Variants in PLGRKT observed in about 807,000 individuals in gnomAD.
The protein encoded by PLGRKT is plasminogen receptor (KT).
A neutral mutation model predicts 18.5 loss-of-function variants in PLGRKT; 22 were observed. That is an observed-to-expected ratio of 1.19 (90% CI 0.85 to 1.70). The LOEUF (loss-of-function observed/expected upper bound fraction) is 1.70, where lower values mean the gene tolerates loss of function less well. Ranked by LOEUF, PLGRKT falls within the 40% of genes most tolerant of loss-of-function variation. PLGRKT has a pLI of 0.00. For missense variants in PLGRKT, 235 were observed against 174.4 expected, an observed-to-expected ratio of 1.35 and a Z score of -1.96; for synonymous variants, 72 against 52.8, an observed-to-expected ratio of 1.36 and a Z score of -1.58.
At chr9:5,399,380 T>A (rs1421763001) in intron 3 of PLGRKT, among the ~76,000 whole-genome samples, 1 of 151,926 alleles carries the variant, frequency 6.6e-6, no homozygotes, top group Admixed American at 6.6e-5. Context: ...CATTATTATT[T>A]CACCTTATAT....
chr9:5,402,112 C>T (rs567990519), intron 3 of PLGRKT, among the ~76,000 whole-genome samples: 1 of 152,034 alleles, frequency 6.6e-6, no homozygotes, highest in East Asian at 1.9e-4. Context: ...TTTAAATGTA[C>T]ATTTTTAGTG....
At chr9:5,382,612 CA>C (rs1340379175) in intron 3 of PLGRKT, among the ~76,000 whole-genome samples, 1 of 152,170 alleles carries the variant, frequency 6.6e-6, no homozygotes, top group Admixed American at 6.5e-5. Flanking sequence ...GAGGAATTTG[CA>C]AGCCATGCTA....
chr9:5,429,374 T>C (rs909651025), intron 3 of PLGRKT, among the ~76,000 whole-genome samples: 2 of 152,210 alleles, frequency 1.3e-5, no homozygotes, highest in Non-Finnish European at 2.9e-5. Context: ...ACATCCTGTA[T>C]TAGTTTGCTG....
chr9:5,395,888 G>GTT lies in PLGRKT; in HGVS notation c.82-34002_82-34001dup, dbSNP rs201547310. 1.3e-3 allele frequency among the ~76,000 whole-genome samples: 170 copies of GTT among 129,764 alleles called. 5 individuals carry two copies. The highest frequency in any genetic ancestry group is 2.0e-3 in the Admixed American group (25 of 12,518). The allele number at this position is 129,764 out of a possible 152,430, so 85.1% of individuals were successfully genotyped here. On this transcript the variant is annotated intron_variant, in intron 3 of 5. Coordinates refer to ENST00000223864, the MANE Select transcript of PLGRKT (RefSeq NM_018465.4). ...TTAGGGTTCATCCTCTAACCTAACAGTTTTTTTTTTTTTTTTTTTTCCTGA... is the reference window on the plus strand; with the variant it reads ...TTAGGGTTCATCCTCTAACCTAACAGTTTTTTTTTTTTTTTTTTTTTTCCTGA...
chr9:5,431,904 C>T lies in PLGRKT; in HGVS notation c.74G>A (p.Arg25Gln), dbSNP rs763236930. The change falls in exon 3 of 6, where the codon CGA (arginine) becomes CAA (glutamine). Residue 25 changes from arginine to glutamine, a missense_variant. Arg to Gln is a conservative substitution (Grantham distance 43). Coordinates refer to ENST00000223864, the MANE Select transcript of PLGRKT (RefSeq NM_018465.4). ...NQKEFMLMNA[R>Q]LQLERQLIMQ... ...AATTATTTTAAAACATACCTGAAGT[C>T]GAGCATTCATAAGCATGAACTCCTT... 6.1e-6 allele frequency: 9 copies of T among 1,470,802 alleles called. No individual in the cohort carries two copies. The South Asian group carries it at 6.9e-5, about 11-fold the overall frequency. 91.1% of individuals were successfully genotyped at this position (1,470,802 alleles called of 1,614,324 possible). A position where few individuals can be genotyped will look rare whatever the true frequency, so the allele number is the denominator to read the frequency against.
intron 3 of PLGRKT, among the ~76,000 whole-genome samples, chr9:5,422,983 T>G (rs1439107625): frequency 6.6e-6 from 1 of 152,234 alleles, no homozygotes; most frequent in Admixed American, 6.5e-5. Context: ...TTCTTAATAT[T>G]TGCACGTTTA....
chr9:5,402,647 G>A (rs868528974), intron 3 of PLGRKT, among the ~76,000 whole-genome samples: 4 of 151,932 alleles, frequency 2.6e-5, no homozygotes, highest in Non-Finnish European at 5.9e-5. Context: ...AGGGTATGGA[G>A]GAGCCAGGTG....
Position 5,358,169 on chromosome 9 carries a change from T to C in PLGRKT, c.*70A>G, listed in dbSNP as rs1418796598. On this transcript the variant is annotated 3_prime_UTR_variant, in exon 6 of 6. Coordinates refer to ENST00000223864, the MANE Select transcript of PLGRKT (RefSeq NM_018465.4). ...CTATAATATCAAAATCTTGAGCATT[T>C]AAAAAACTGTAAAAACCATGATTCA... 2.6e-6 allele frequency: 3 copies of C among 1,165,470 alleles called. No homozygotes were observed. Among genetic ancestry groups the C allele is most frequent in the East Asian group, 4.8e-5 (2 of 41,582 alleles). The allele number at this position is 1,165,470 out of a possible 1,614,324, so 72.2% of individuals were successfully genotyped here.
Position 5,434,600 on chromosome 9 carries a change from C to A in PLGRKT, c.-7+1969G>T, listed in dbSNP as rs531547643. Among the ~76,000 whole-genome samples the A allele has an allele frequency of 2.6e-3, 386 of 147,798 alleles. 8 individuals carry two copies. Among genetic ancestry groups the A allele is most frequent in the African/African-American group, 9.8e-3 (378 of 38,540 alleles). ...AGTGGGCGCCTCTGCCTGGCCGCCC[C>A]CTCTGGGAGGTGGGGAGCGCCTCTG... On this transcript the variant is annotated intron_variant, in intron 2 of 5. Transcript: ENST00000223864.
At chr9:5,370,393 A>G (rs771692091) in intron 3 of PLGRKT, among the ~76,000 whole-genome samples, 2 of 152,208 alleles carry the variant, frequency 1.3e-5, no homozygotes, top group Non-Finnish European at 2.9e-5. Flanking sequence ...AAAACATTGT[A>G]TAACACAAAG....
chr9:5,428,594 T>C (rs1185707339), intron 3 of PLGRKT, among the ~76,000 whole-genome samples: 2 of 152,180 alleles, frequency 1.3e-5, no homozygotes, highest in Admixed American at 1.3e-4. Flanking sequence ...CAAAAAGCCC[T>C]CCCTGCCCCT....
chr9:5,359,064 ATT>A (rs3042402), intron 5 of PLGRKT, among the ~76,000 whole-genome samples: 38,013 of 142,566 alleles, frequency 0.27, 4,855 homozygotes, highest in Non-Finnish European at 0.31. Context: ...ACACTATTTT[ATT>A]TTTTTTTTTT....
intron 3 of PLGRKT, among the ~76,000 whole-genome samples, chr9:5,379,421 G>T (rs1046771981): frequency 6.6e-6 from 1 of 152,132 alleles, no homozygotes; most frequent in African/African-American, 2.4e-5. Context: ...TTTACATTAA[G>T]ATTAATTAAA....
chr9:5,358,438 C>A, intron 5 of PLGRKT, 78 bp from the exon 6 acceptor site: 2 of 1,308,082 alleles, frequency 1.5e-6, no homozygotes, highest in Non-Finnish European at 2.2e-6. Context: ...TGCTATATTC[C>A]TTGACAGGCT....
intron 3 of PLGRKT, among the ~76,000 whole-genome samples, chr9:5,425,467 T>C (rs1198440466): frequency 1.3e-5 from 2 of 152,218 alleles, no homozygotes; most frequent in African/African-American, 4.8e-5. Flanking sequence ...CTCCAGTGAT[T>C]GATTTAATTT....
chr9:5,387,562 T>A (rs1330590010), intron 3 of PLGRKT, among the ~76,000 whole-genome samples: 1 of 151,878 alleles, frequency 6.6e-6, no homozygotes, highest in Non-Finnish European at 1.5e-5. Context: ...ATATACCATA[T>A]AGTCCCATAT....
At chr9:5,405,505 G>C (rs532000074) in intron 3 of PLGRKT, among the ~76,000 whole-genome samples, 1 of 152,252 alleles carries the variant, frequency 6.6e-6, no homozygotes, top group African/African-American at 2.4e-5. Context: ...AACAAGCAAT[G>C]GGGAAAGGAC....
intron 2 of PLGRKT, among the ~76,000 whole-genome samples, chr9:5,433,375 TGACCGTCCACCGTCTGGGATGTGAG>T: frequency 7.0e-6 from 1 of 142,548 alleles, no homozygotes; most frequent in South Asian, 2.3e-4. Context: ...CATCTCTGCC[TGACCGTCCACCGTCTGGGATGTGAG>T]GAGCGCCTCT....
intron 2 of PLGRKT, among the ~76,000 whole-genome samples, chr9:5,432,483 A>C (rs1349129180): frequency 6.6e-6 from 1 of 151,890 alleles, no homozygotes; most frequent in African/African-American, 2.4e-5. Context: ...AAGAAGATTG[A>C]GCTCTCCCTC....
Sources: gnomAD v4.1 joint callset for allele counts (sites outside exome capture counted in the v4.1 genomes callset) on GRCh38, gnomAD v4.1.1 for gene constraint, MANE v1.5 for transcripts, NCBI Gene and HGNC (gene_info 2026-07-23, HGNC 2026-07-21) for gene names.